AFG2A: variants seen among roughly 807,000 people sequenced by gnomAD.
The protein encoded by AFG2A is AAA ATPase AFG2A.
At chr4:123,005,728 G>A in the AFG2A span, among the ~76,000 whole-genome samples, 2 of 151,934 alleles carry the variant, frequency 1.3e-5, no homozygotes, top group East Asian at 1.9e-4. Context: ...ATTTCCCTTG[G>A]TACATCTTTA....
chr4:122,929,150 T>C, the AFG2A span: 1 of 1,612,600 alleles, frequency 6.2e-7, no homozygotes, highest in Non-Finnish European at 8.5e-7. Context: ...AGGTCCAGCC[T>C]CTTGTGGGTG....
At chr4:123,057,778 G>C in the AFG2A span, among the ~76,000 whole-genome samples, 1 of 151,182 alleles carries the variant, frequency 6.6e-6, no homozygotes, top group South Asian at 2.1e-4. Flanking sequence ...CAGTAAAGAG[G>C]ATTATCTATG....
At chr4:122,985,681 T>C in the AFG2A span, among the ~76,000 whole-genome samples, 1 of 152,140 alleles carries the variant, frequency 6.6e-6, no homozygotes, top group African/African-American at 2.4e-5. Context: ...CTTCTTTTCT[T>C]GGTTAATCTT....
the AFG2A span, among the ~76,000 whole-genome samples, chr4:123,178,730 T>A: frequency 6.6e-6 from 1 of 152,254 alleles, no homozygotes; most frequent in African/African-American, 2.4e-5. Context: ...TGTCCAAATT[T>A]ACATTTTCCT....
At chr4:122,942,619 T>C in the AFG2A span, among the ~76,000 whole-genome samples, 21 of 152,320 alleles carry the variant, frequency 1.4e-4, no homozygotes, top group African/African-American at 4.8e-4. Flanking sequence ...AGGGTTTTTT[T>C]ATGTCTCTAT....
At chr4:122,995,924 G>A in the AFG2A span, among the ~76,000 whole-genome samples, 8 of 152,116 alleles carry the variant, frequency 5.3e-5, no homozygotes, top group South Asian at 2.1e-4. Flanking sequence ...TTCTTTTGTG[G>A]TACCACACTT....
the AFG2A span, among the ~76,000 whole-genome samples, chr4:123,155,256 T>C: frequency 6.6e-6 from 1 of 152,064 alleles, no homozygotes; most frequent in Non-Finnish European, 1.5e-5. Context: ...GGCTAAGTTT[T>C]ATATTTTTAT....
At chr4:122,947,217 C>A in the AFG2A span, 2 of 1,492,212 alleles carry the variant, frequency 1.3e-6, no homozygotes, top group Admixed American at 4.9e-5. Flanking sequence ...AATTTATTTT[C>A]ATTTTATTTT....
chr4:123,236,558 G>A, the AFG2A span, among the ~76,000 whole-genome samples: 7 of 152,236 alleles, frequency 4.6e-5, no homozygotes, highest in East Asian at 1.4e-3. Context: ...TTCTGCCACA[G>A]AATTAAAATG....
the AFG2A span, among the ~76,000 whole-genome samples, chr4:123,079,630 G>A: frequency 2.6e-4 from 39 of 151,652 alleles, no homozygotes; most frequent in South Asian, 6.5e-3. Flanking sequence ...TGTAACCCTC[G>A]CCAATGCTAG....
chr4:123,226,821 C>T, the AFG2A span, among the ~76,000 whole-genome samples: 4 of 152,154 alleles, frequency 2.6e-5, no homozygotes, highest in African/African-American at 9.7e-5. Flanking sequence ...TAGAATTTGG[C>T]TGTGAATCCA....
chr4:123,190,976 G>T, the AFG2A span, among the ~76,000 whole-genome samples: 1 of 152,108 alleles, frequency 6.6e-6, no homozygotes, highest in Non-Finnish European at 1.5e-5. Flanking sequence ...AGCAAAACTT[G>T]CAGTGATGTC....
At chr4:123,103,492 C>T in the AFG2A span, among the ~76,000 whole-genome samples, 5 of 151,946 alleles carry the variant, frequency 3.3e-5, no homozygotes, top group African/African-American at 1.2e-4. Flanking sequence ...TTTAGAAGTA[C>T]GGTGTGTGTT....
the AFG2A span, among the ~76,000 whole-genome samples, chr4:123,010,410 T>C: frequency 2.8e-5 from 4 of 144,322 alleles, no homozygotes; most frequent in African/African-American, 5.0e-5. Flanking sequence ...TATTTTTTTT[T>C]CCCAGACTGT....
At chr4:123,184,738 G>T in the AFG2A span, among the ~76,000 whole-genome samples, 1 of 150,926 alleles carries the variant, frequency 6.6e-6, no homozygotes, top group Non-Finnish European at 1.5e-5. Context: ...GGGTTTCACC[G>T]TTTTAGCCGG....
chr4:123,029,947 G>T, the AFG2A span, among the ~76,000 whole-genome samples: 2 of 152,122 alleles, frequency 1.3e-5, no homozygotes, highest in Non-Finnish European at 2.9e-5. Flanking sequence ...CAAAGGTTGC[G>T]GTTTTAAGGG....
chr4:123,282,594 C>G, the AFG2A span, among the ~76,000 whole-genome samples: 1 of 151,994 alleles, frequency 6.6e-6, no homozygotes, highest in Non-Finnish European at 1.5e-5. Flanking sequence ...TCTAAACCTT[C>G]CTTAGATCAT....
At chr4:122,964,863 G>A in the AFG2A span, among the ~76,000 whole-genome samples, 2 of 152,208 alleles carry the variant, frequency 1.3e-5, no homozygotes, top group South Asian at 4.2e-4. Flanking sequence ...ATTTATTAAT[G>A]GGCAGTGAGA....
chr4:123,312,039 G>A, the AFG2A span, among the ~76,000 whole-genome samples: 8 of 151,988 alleles, frequency 5.3e-5, no homozygotes, highest in Admixed American at 1.3e-4. Flanking sequence ...TCCAACCCCC[G>A]CCCTGGCCAC....
Sources: gnomAD v4.1 joint callset for allele counts (sites outside exome capture counted in the v4.1 genomes callset) on GRCh38, gnomAD v4.1.1 for gene constraint, MANE v1.5 for transcripts, NCBI Gene and HGNC (gene_info 2026-07-23, HGNC 2026-07-21) for gene names.